Variants in GAREM1 observed in about 807,000 individuals in gnomAD.
GAREM1 encodes GRB2-associated and regulator of MAPK protein 1.
A neutral mutation model predicts 71.3 loss-of-function variants in GAREM1; 26 were observed. That is an observed-to-expected ratio of 0.36 (90% CI 0.27 to 0.51). The LOEUF (loss-of-function observed/expected upper bound fraction) is 0.51. Ranked by LOEUF, GAREM1 falls within the 20% of genes least tolerant of loss-of-function variation. GAREM1 has a pLI of 0.95. For synonymous variants in GAREM1, 440 were observed against 433.2 expected, an observed-to-expected ratio of 1.02 and a Z score of -0.20; for missense variants, 1,026 against 1,103.1, an observed-to-expected ratio of 0.93 and a Z score of 0.99.
intron 4 of GAREM1, among the ~76,000 whole-genome samples, chr18:32,275,280 A>G (rs181744405): frequency 3.8e-4 from 58 of 152,316 alleles, no homozygotes; most frequent in African/African-American, 1.3e-3. Context: ...TACTGTGCCT[A>G]ATGGACTAAA....
At chr18:32,465,009 G>A (rs907719073) in intron 1 of GAREM1, among the ~76,000 whole-genome samples, 2 of 152,008 alleles carry the variant, frequency 1.3e-5, no homozygotes, top group Non-Finnish European at 2.9e-5. Context: ...TTTCCTACAC[G>A]GGAAAACTAC....
intron 1 of GAREM1, among the ~76,000 whole-genome samples, chr18:32,436,174 T>C (rs1330908760): frequency 6.6e-6 from 1 of 152,166 alleles, no homozygotes; most frequent in Non-Finnish European, 1.5e-5. Context: ...AAGACAATGA[T>C]GGAAGAGGTT....
chr18:32,287,169 G>C lies in GAREM1; in HGVS notation c.1428C>G (p.Asn476Lys), dbSNP rs1360108710. The change falls in exon 4 of 6, where the codon AAC becomes AAG. Residue 476 changes from asparagine to lysine, a missense_variant. Physicochemically the swap from Asn to Lys is moderately conservative, Grantham distance 94 (BLOSUM62 0). Around this residue, in one of 3 missense-constraint regions of GAREM1, gnomAD observed 636 missense variants for 631.2 expected, o/e 1.01. Transcript: ENST00000269209. The surrounding 1 kb of genome is among the most constrained non-coding windows in gnomAD (Gnocchi z 5.9). ...CAGAACCTCTAAACTGATCACATCT[G>C]TTCTTCTCGCTCAGAGAGCGAGTGA... ...QPLTRSLSEK[N>K]RCDQFRGSVR... The C allele has an allele frequency of 6.2e-7, 1 of 1,614,260 alleles. No homozygotes were observed.
intron 2 of GAREM1, among the ~76,000 whole-genome samples, chr18:32,382,500 G>A (rs991082948): frequency 2.0e-5 from 3 of 152,068 alleles, no homozygotes; most frequent in East Asian, 1.9e-4. Flanking sequence ...CTGGTGTGGC[G>A]AGTGCCTGCT....
intron 1 of GAREM1, among the ~76,000 whole-genome samples, chr18:32,404,202 G>A (rs2048344599): frequency 6.6e-6 from 1 of 152,152 alleles, no homozygotes; most frequent in South Asian, 2.1e-4. Flanking sequence ...TACTTAGGAT[G>A]GTTGTGAATC....
intron 3 of GAREM1, among the ~76,000 whole-genome samples, chr18:32,297,571 C>G (rs893345618): frequency 6.6e-6 from 1 of 152,172 alleles, no homozygotes; most frequent in Admixed American, 6.5e-5. Flanking sequence ...AAGCCCAAAC[C>G]ACTACTTCTA....
chr18:32,452,830 G>T (rs1257052218), intron 1 of GAREM1, among the ~76,000 whole-genome samples: 2 of 150,316 alleles, frequency 1.3e-5, no homozygotes, highest in Non-Finnish European at 3.0e-5. Context: ...CAGAGAAGGG[G>T]GTTTTATACT....
At chr18:32,317,625 C>T (rs1292378009) in intron 2 of GAREM1, among the ~76,000 whole-genome samples, 1 of 150,308 alleles carries the variant, frequency 6.7e-6, no homozygotes, top group Admixed American at 6.6e-5. Context: ...AACCAGCAAA[C>T]ATGAAGGCCT....
At chr18:32,457,046 G>A (rs75269227) in intron 1 of GAREM1, among the ~76,000 whole-genome samples, 2,418 of 152,038 alleles carry the variant, frequency 0.016, 19 homozygotes, top group Non-Finnish European at 0.025. Flanking sequence ...ACATGCACTG[G>A]ACTGTTAGAG....
rs1279709624 is a variant in GAREM1 at position 32,268,546 on chromosome 18, G to C, written c.1956C>G (p.Tyr652Ter). ...FLLDPSRSYS[Y>*]PRQKTPGTPK... Reference sequence around the variant, plus strand: ...GTGTGCCTGGCGTCTTTTGTCTAGGGTAACTATAACTCCTGCTTGGATCCA... The same window carrying C: ...GTGTGCCTGGCGTCTTTTGTCTAGGCTAACTATAACTCCTGCTTGGATCCA... Residue 652 changes from tyrosine (Y) to a stop codon, truncating the protein, a stop_gained, in exon 6 of 6, where the codon TAC (tyrosine) becomes TAG (stop). Coordinates refer to ENST00000269209, the MANE Select transcript of GAREM1 (RefSeq NM_001242409.2). LOFTEE classifies it high-confidence loss of function. 1 of 1,614,142 alleles carries C rather than the reference G, an allele frequency of 6.2e-7. No homozygotes were observed. The highest frequency in any genetic ancestry group is 1.7e-5 in the Admixed American group (1 of 60,014).
chr18:32,309,323 A>G lies in GAREM1; in HGVS notation c.393+870T>C, dbSNP rs1471973357. ...CAAGGACTGCACTGTCCCTTTAAGA[A>G]TGCAGAACAAGGCCAGACACGGTGG... is the stretch of plus-strand genomic sequence containing the variant. On this transcript the variant is annotated intron_variant, in intron 3 of 5. Coordinates refer to ENST00000269209, the MANE Select transcript of GAREM1 (RefSeq NM_001242409.2). 1.3e-5 allele frequency among the ~76,000 whole-genome samples: 2 copies of G among 149,406 alleles called. 1 individual carries two copies. Among genetic ancestry groups the G allele is most frequent in the Non-Finnish European group, 3.0e-5 (2 of 67,304 alleles).
At chr18:32,441,649 C>T (rs1016479723) in intron 1 of GAREM1, among the ~76,000 whole-genome samples, 2 of 152,124 alleles carry the variant, frequency 1.3e-5, no homozygotes, top group Non-Finnish European at 2.9e-5. Context: ...ACAAAAGCAG[C>T]TCGACTGCTG....
At chr18:32,405,844 C>T (rs774209421) in intron 1 of GAREM1, among the ~76,000 whole-genome samples, 1 of 152,184 alleles carries the variant, frequency 6.6e-6, no homozygotes, top group Non-Finnish European at 1.5e-5. Flanking sequence ...AACAAATCAC[C>T]TACCTATGCC....
intron 1 of GAREM1, among the ~76,000 whole-genome samples, chr18:32,414,194 G>A (rs2144688156): frequency 6.6e-6 from 1 of 152,152 alleles, no homozygotes; most frequent in East Asian, 1.9e-4. Context: ...CACAGACAAT[G>A]ACAAAATAAG....
chr18:32,369,039 T>G (rs2047952645), intron 2 of GAREM1, among the ~76,000 whole-genome samples: 1 of 152,178 alleles, frequency 6.6e-6, no homozygotes, highest in South Asian at 2.1e-4. Flanking sequence ...TGAACTGTCG[T>G]GGCATACAAA....
At position 32,311,863 on chromosome 18, in the gene GAREM1, G is replaced by A. The variant is rs549393844; in HGVS notation, c.263-1540C>T. On this transcript the variant is annotated intron_variant, in intron 2 of 5. Coordinates refer to ENST00000269209, the MANE Select transcript of GAREM1 (RefSeq NM_001242409.2). ...AGCTGGTGATCTAACCAATGCTACA[G>A]AAGGATCCCTCTAGCTGGCATGTTG... Among the ~76,000 whole-genome samples, 19 of 152,360 alleles carry A rather than the reference G, an allele frequency of 1.2e-4. No homozygotes were observed. The South Asian group carries it at 3.5e-3, about 28-fold the overall frequency.
intron 1 of GAREM1, among the ~76,000 whole-genome samples, chr18:32,415,294 A>G (rs375087364): frequency 3.3e-5 from 5 of 152,074 alleles, no homozygotes; most frequent in East Asian, 1.9e-4. Flanking sequence ...AACTAATACC[A>G]ATCATACTCA....
intron 1 of GAREM1, among the ~76,000 whole-genome samples, chr18:32,403,173 G>T (rs890811297): frequency 6.6e-6 from 1 of 152,116 alleles, no homozygotes; most frequent in Non-Finnish European, 1.5e-5. Flanking sequence ...CTCCCAAAGC[G>T]CTGGGATTAC....
At chr18:32,374,367 G>C (rs1291121430) in intron 2 of GAREM1, among the ~76,000 whole-genome samples, 1 of 152,148 alleles carries the variant, frequency 6.6e-6, no homozygotes, top group Non-Finnish European at 1.5e-5. Flanking sequence ...ATATGTTCTT[G>C]GATGAACAAC....
Sources: gnomAD v4.1 joint callset for allele counts (sites outside exome capture counted in the v4.1 genomes callset) on GRCh38, gnomAD v4.1.1 for gene constraint, gnomAD v4.1.1 regional missense constraint, Gnocchi (gnomAD v3.1) non-coding constraint, MANE v1.5 for transcripts, NCBI Gene and HGNC (gene_info 2026-07-23, HGNC 2026-07-21) for gene names.